Variants in PDZD2 observed in about 807,000 individuals in gnomAD.
PDZD2 encodes the protein PDZ domain containing 2.
In PDZD2, 90 loss-of-function variants were observed where a neutral mutation model predicts 220.7. The observed-to-expected ratio is 0.41, with a 90% CI of 0.34 to 0.49. The LOEUF (loss-of-function observed/expected upper bound fraction) is 0.49, where lower values mean the gene tolerates loss of function less well. PDZD2 is among the 20% of genes least tolerant of loss of function. The pLI, the probability that PDZD2 is intolerant of heterozygous loss-of-function variation, is 0.28. For missense variants in PDZD2, 3,174 were observed against 3,608.5 expected, an observed-to-expected ratio of 0.88 and a Z score of 3.08; for synonymous variants, 1,375 against 1,450.5, an observed-to-expected ratio of 0.95 and a Z score of 1.18.
rs1331446994 is a variant in PDZD2 at position 31,717,787 on chromosome 5, G to C, written c.-361+78350G>C. On this transcript the variant is annotated intron_variant, in intron 1 of 24. Transcript: ENST00000438447. Reference sequence around the variant, plus strand: ...CAGCTGCTGGTGGGCATCTGGGAGGGGACAGTGCAGGAGGGAAGGCGGGAG... The same window carrying C: ...CAGCTGCTGGTGGGCATCTGGGAGGCGACAGTGCAGGAGGGAAGGCGGGAG... Among the ~76,000 whole-genome samples, 57 of 152,122 alleles carry C rather than the reference G, an allele frequency of 3.7e-4. 1 individual carries two copies. The highest frequency in any genetic ancestry group is 3.7e-3 in the Admixed American group (57 of 15,280).
intron 2 of PDZD2, among the ~76,000 whole-genome samples, chr5:31,962,798 A>G (rs1037138809): frequency 6.6e-6 from 1 of 152,052 alleles, no homozygotes; most frequent in Admixed American, 6.6e-5. Context: ...TTTCCTCCCT[A>G]CCCCACCCAG....
chr5:31,781,846 T>A (rs1473723511), intron 1 of PDZD2, among the ~76,000 whole-genome samples: 1 of 152,192 alleles, frequency 6.6e-6, no homozygotes, highest in South Asian at 2.1e-4. Context: ...CAGAGGGGAC[T>A]ACTATTTACA....
chr5:32,100,919 G>A, intron 23 of PDZD2, 186 bp from the exon 24 acceptor site: 1 of 1,595,062 alleles, frequency 6.3e-7, no homozygotes, highest in Non-Finnish European at 8.5e-7. Flanking sequence ...GGCAGCCCCA[G>A]AATTGGGAGG....
intron 21 of PDZD2, among the ~76,000 whole-genome samples, chr5:32,094,899 T>C (rs1743505280): frequency 6.6e-6 from 1 of 151,998 alleles, no homozygotes; most frequent in South Asian, 2.1e-4. Flanking sequence ...CAAAATGTCT[T>C]GAGATGCTAA....
intron 1 of PDZD2, among the ~76,000 whole-genome samples, chr5:31,654,086 AAT>A (rs1279248218): frequency 6.6e-6 from 1 of 152,004 alleles, no homozygotes; most frequent in African/African-American, 2.4e-5. Flanking sequence ...GCCTGGCCCC[AAT>A]ATATGTTTTA....
At position 31,714,843 on chromosome 5, in the gene PDZD2, G is replaced by C. The variant is rs145711455; in HGVS notation, c.-361+75406G>C. ...GGAGGCTGAGACGGGCAGATTACGA[G>C]GTCAGGAGATTGAGACCATCCTGGT... On this transcript the variant is annotated intron_variant, in intron 1 of 24. Transcript: ENST00000438447. 1.2e-3 allele frequency among the ~76,000 whole-genome samples: 176 copies of C among 152,168 alleles called. 2 individuals are homozygous for C. The highest frequency in any genetic ancestry group is 4.0e-3 in the African/African-American group (166 of 41,518).
chr5:31,645,675 G>A (rs1374572727), intron 1 of PDZD2, among the ~76,000 whole-genome samples: 1 of 152,046 alleles, frequency 6.6e-6, no homozygotes, highest in African/African-American at 2.4e-5. Flanking sequence ...CTAGTACTTG[G>A]CTTTACAAGC....
intron 6 of PDZD2, among the ~76,000 whole-genome samples, chr5:32,019,492 T>A (rs1754026800): frequency 6.6e-6 from 1 of 152,166 alleles, no homozygotes; most frequent in Admixed American, 6.5e-5. Context: ...AGCAGTGGTC[T>A]CCATAATAGA....
intron 1 of PDZD2, among the ~76,000 whole-genome samples, chr5:31,657,839 A>T (rs1745607633): frequency 6.6e-6 from 1 of 152,128 alleles, no homozygotes; most frequent in African/African-American, 2.4e-5. Context: ...TCCCGGCAAC[A>T]CCCGCAAAGG....
At chr5:31,880,049 G>A (rs574786126) in intron 2 of PDZD2, among the ~76,000 whole-genome samples, 1 of 152,006 alleles carries the variant, frequency 6.6e-6, no homozygotes, top group East Asian at 1.9e-4. Context: ...AAGTAGCTGG[G>A]ATGACAGGCG....
chr5:31,862,101 G>GTTTTTTTTTT (rs11417935), intron 2 of PDZD2, among the ~76,000 whole-genome samples: 1 of 78,496 alleles, frequency 1.3e-5, no homozygotes. Context: ...TTTTTTTTGG[G>GTTTTTTTTTT]TTTTTTTTTT....
intron 1 of PDZD2, among the ~76,000 whole-genome samples, chr5:31,789,813 GA>G (rs777688183): frequency 4.6e-5 from 7 of 152,112 alleles, no homozygotes; most frequent in Non-Finnish European, 1.0e-4. Context: ...AGCTGCTTGG[GA>G]GGCTGAGGCA....
chr5:32,011,055 C>G lies in PDZD2; in HGVS notation c.1407+573C>G, dbSNP rs189329947. On this transcript the variant is annotated intron_variant, in intron 6 of 24. Coordinates refer to ENST00000438447, the MANE Select transcript of PDZD2 (RefSeq NM_178140.4). ...AACAACAACAACTGGATATTGAGTT[C>G]AGTGCATATATTAATTTCTAGAATG... is the stretch of plus-strand genomic sequence containing the variant. Among the ~76,000 whole-genome samples the G allele has an allele frequency of 3.2e-3, 475 of 148,974 alleles. 3 individuals are homozygous for G. Among genetic ancestry groups the G allele is most frequent in the Admixed American group, 8.4e-3 (125 of 14,916 alleles).
intron 1 of PDZD2, among the ~76,000 whole-genome samples, chr5:31,776,450 TTTTATTTATTTATTTA>T (rs10592711): frequency 0.018 from 2,508 of 139,148 alleles, 56 homozygotes; most frequent in African/African-American, 0.061. Flanking sequence ...TGTGTTTTTA[TTTTATTTATTTATTTA>T]TTTATTTATT....
In PDZD2 at chr5:31,740,442, G is replaced by A. The variant is rs560491696; in HGVS notation, c.-360-58447G>A. On this transcript the variant is annotated intron_variant, in intron 1 of 24. Coordinates refer to ENST00000438447, the MANE Select transcript of PDZD2 (RefSeq NM_178140.4). Reference sequence around the variant, plus strand: ...CAGGAGGCTGAGGCATGAGAATGGCGTGAACCCGGGAGGCGGAGCTTGCAG... The same window carrying A: ...CAGGAGGCTGAGGCATGAGAATGGCATGAACCCGGGAGGCGGAGCTTGCAG... Among the ~76,000 whole-genome samples, 71 of 147,168 alleles carry A rather than the reference G, an allele frequency of 4.8e-4. 1 individual carries two copies. In the South Asian group the frequency reaches 9.4e-3, roughly 19 times the overall value.
At chr5:31,919,427 C>G (rs926568626) in intron 2 of PDZD2, among the ~76,000 whole-genome samples, 1 of 151,778 alleles carries the variant, frequency 6.6e-6, no homozygotes, top group Non-Finnish European at 1.5e-5. Flanking sequence ...GCTCACTGCA[C>G]CCTCTGTCTC....
intron 2 of PDZD2, among the ~76,000 whole-genome samples, chr5:31,842,368 G>A (rs1040736261): frequency 2.0e-5 from 3 of 152,186 alleles, no homozygotes; most frequent in African/African-American, 7.2e-5. Flanking sequence ...ATCCAGGCTG[G>A]TAAAGGAGGG....
chr5:31,927,886 A>G (rs1744935111), intron 2 of PDZD2, among the ~76,000 whole-genome samples: 1 of 152,154 alleles, frequency 6.6e-6, no homozygotes, highest in African/African-American at 2.4e-5. Context: ...CCACACCGAC[A>G]TGCACTTGCT....
At chr5:31,969,889 GTTTATTTA>G (rs113519811) in intron 2 of PDZD2, among the ~76,000 whole-genome samples, 19,949 of 151,748 alleles carry the variant, frequency 0.13, 1,445 homozygotes, top group East Asian at 0.19. Context: ...AGACTAAATA[GTTTATTTA>G]TTTATTTATT....
Sources: allele counts gnomAD v4.1 joint callset (sites outside exome capture counted in the v4.1 genomes callset), GRCh38; gene constraint gnomAD v4.1.1; transcripts MANE v1.5; gene names NCBI Gene and HGNC (gene_info 2026-07-23, HGNC 2026-07-21).